ADAM20: variants seen among roughly 807,000 people sequenced by gnomAD.
ADAM20 encodes the protein ADAM metallopeptidase domain 20.
For missense variants in ADAM20, 871 were observed against 883.2 expected, an observed-to-expected ratio of 0.99 and a Z score of 0.18; for synonymous variants, 305 against 310.2, an observed-to-expected ratio of 0.98 and a Z score of 0.18.
chr14:70,543,915 G>C, the ADAM20 span, among the ~76,000 whole-genome samples: 1 of 152,114 alleles, frequency 6.6e-6, no homozygotes, highest in African/African-American at 2.4e-5. Flanking sequence ...GGTTCATCTT[G>C]ATCAAAAACT....
upstream of ADAM20, among the ~76,000 whole-genome samples, chr14:70,539,952 T>C (rs1292526194): frequency 1.3e-5 from 2 of 152,208 alleles, no homozygotes; most frequent in Non-Finnish European, 2.9e-5. Context: ...TGTGTGTGTC[T>C]ATTATTTCAC....
Position 70,522,946 on chromosome 14 carries a change from A to G in ADAM20, c.1812T>C (p.Asp604=). ...CTGTGCCATCTTTCACCTCACCAAT[A>G]TCAGGTATAGCCATCCCTAAATGAT... ...TDYHLGMAIP[D]IGEVKDGTVC... is the part of the protein sequence containing the mutation. Residue 604 remains aspartate (D), a synonymous_variant, in exon 2 of 2, where the codon GAT becomes GAC. Coordinates refer to ENST00000256389, the MANE Select transcript of ADAM20 (RefSeq NM_003814.5). The G allele has an allele frequency of 6.2e-7, 1 of 1,614,064 alleles. No homozygotes were observed. The highest frequency in any genetic ancestry group is 8.5e-7 in the Non-Finnish European group (1 of 1,179,968).
chr14:70,566,066 C>T, the ADAM20 span, among the ~76,000 whole-genome samples: 2 of 152,030 alleles, frequency 1.3e-5, no homozygotes, highest in African/African-American at 4.8e-5. Flanking sequence ...AAAAACGCTA[C>T]ATGAAGTTGC....
upstream of ADAM20, among the ~76,000 whole-genome samples, chr14:70,539,481 C>T (rs189394072): frequency 2.6e-4 from 40 of 152,328 alleles, no homozygotes; most frequent in East Asian, 5.2e-3. Flanking sequence ...GGGCTATAAA[C>T]GCCCTCATCT....
the ADAM20 span, among the ~76,000 whole-genome samples, chr14:70,573,134 G>A: frequency 6.6e-6 from 1 of 152,120 alleles, no homozygotes; most frequent in Non-Finnish European, 1.5e-5. Flanking sequence ...ATGTGCACTT[G>A]TATGTTTATC....
the ADAM20 span, among the ~76,000 whole-genome samples, chr14:70,567,053 G>A: frequency 6.6e-6 from 1 of 152,060 alleles, no homozygotes; most frequent in African/African-American, 2.4e-5. Context: ...CAAACTGTTG[G>A]GAACCCCTCT....
intron 1 of ADAM20, among the ~76,000 whole-genome samples, chr14:70,532,731 C>T (rs1055908372): frequency 6.6e-6 from 1 of 152,126 alleles, no homozygotes; most frequent in African/African-American, 2.4e-5. Context: ...CAGTGGCCTA[C>T]ATGACAGGAG....
In ADAM20 at chr14:70,524,483, T is replaced by C; in HGVS notation, c.275A>G (p.Tyr92Cys). ...CTGGAGCAGGGCATGCTGCTCTGTGTAGGTGAACACAGGAAGGTGTGCAGC... is the reference window on the plus strand; with the variant it reads ...CTGGAGCAGGGCATGCTGCTCTGTGCAGGTGAACACAGGAAGGTGTGCAGC... ...LFAAHLPVFT[Y>C]TEQHALLQDQ... The change falls in exon 2 of 2, where the codon TAC becomes TGC. Residue 92 changes from tyrosine (Y) to cysteine (C), a missense_variant. Transcript: ENST00000256389. The C allele has an allele frequency of 6.2e-7, 1 of 1,614,016 alleles. No homozygotes were observed. The highest frequency in any genetic ancestry group is 8.5e-7 in the Non-Finnish European group (1 of 1,179,944).
chr14:70,545,742 A>T, the ADAM20 span, among the ~76,000 whole-genome samples: 1 of 152,242 alleles, frequency 6.6e-6, no homozygotes, highest in East Asian at 1.9e-4. Context: ...CTAAAGCAAG[A>T]GATAGACTCC....
chr14:70,563,480 C>T, the ADAM20 span, among the ~76,000 whole-genome samples: 15 of 152,212 alleles, frequency 9.9e-5, no homozygotes, highest in South Asian at 2.1e-4. Context: ...TGTTGTTCTA[C>T]GCAAGAACAA....
In ADAM20 at chr14:70,524,988, A is replaced by G. The variant is rs73282130; in HGVS notation, c.-176-55T>C. ...TAGAAAGGGAGAAAGAGAGAGAGAAAAAAGGCAAAGTGATTCCTGCATTTG... is the reference window on the plus strand; with the variant it reads ...TAGAAAGGGAGAAAGAGAGAGAGAAGAAAGGCAAAGTGATTCCTGCATTTG... On this transcript the variant is annotated intron_variant, in intron 1 of 1. Transcript: ENST00000256389. 5.4e-3 allele frequency: 7,699 copies of G among 1,435,386 alleles called. 97 individuals are homozygous for G. The highest frequency in any genetic ancestry group is 0.048 in the African/African-American group (3,388 of 69,906). 88.9% of individuals were successfully genotyped at this position (1,435,386 alleles called of 1,614,324 possible). A position where few individuals can be genotyped will look rare whatever the true frequency, so the allele number is the denominator to read the frequency against.
At chr14:70,572,461 A>G in the ADAM20 span, among the ~76,000 whole-genome samples, 1 of 152,320 alleles carries the variant, frequency 6.6e-6, no homozygotes, top group East Asian at 1.9e-4. Context: ...AAATCAGATT[A>G]AAGACTCAAC....
At chr14:70,577,138 T>C in the ADAM20 span, among the ~76,000 whole-genome samples, 3 of 152,224 alleles carry the variant, frequency 2.0e-5, no homozygotes, top group African/African-American at 7.2e-5. Flanking sequence ...GATGCTGACG[T>C]AACCTTGTTA....
the ADAM20 span, among the ~76,000 whole-genome samples, chr14:70,562,331 A>G: frequency 1.3e-5 from 2 of 152,118 alleles, no homozygotes; most frequent in African/African-American, 2.4e-5. Flanking sequence ...ATGTATCTCC[A>G]TTGTATCTTG....
the ADAM20 span, among the ~76,000 whole-genome samples, chr14:70,567,856 G>C: frequency 2.0e-5 from 3 of 152,236 alleles, no homozygotes; most frequent in Non-Finnish European, 4.4e-5. Flanking sequence ...GGGCAAGATA[G>C]GGAAGCAGAT....
At chr14:70,525,708 T>C (rs2139532477) in intron 1 of ADAM20, among the ~76,000 whole-genome samples, 2 of 152,270 alleles carry the variant, frequency 1.3e-5, no homozygotes, top group South Asian at 4.1e-4. Context: ...GTATACCTAA[T>C]TGTGCTCTAA....
At chr14:70,538,514 A>C (rs1883881948), upstream of ADAM20, among the ~76,000 whole-genome samples, 1 of 152,206 alleles carries the variant, frequency 6.6e-6, no homozygotes, top group Non-Finnish European at 1.5e-5. Context: ...TTTTCTCTTC[A>C]TAAATCTTGT....
chr14:70,557,533 T>G, the ADAM20 span: 1 of 151,914 alleles, frequency 6.6e-6, no homozygotes, highest in Admixed American at 6.6e-5. Flanking sequence ...CAACAAAGTT[T>G]TTACTCAAGA....
the ADAM20 span, among the ~76,000 whole-genome samples, chr14:70,543,494 G>A: frequency 6.6e-6 from 1 of 152,066 alleles, no homozygotes; most frequent in Non-Finnish European, 1.5e-5. Flanking sequence ...TCAACCAGTT[G>A]GGTCTAGTAT....
Sources: gnomAD v4.1 joint callset for allele counts (sites outside exome capture counted in the v4.1 genomes callset) on GRCh38, gnomAD v4.1.1 for gene constraint, MANE v1.5 for transcripts, NCBI Gene and HGNC (gene_info 2026-07-23, HGNC 2026-07-21) for gene names.